SAMTOR: variants seen among roughly 807,000 people sequenced by gnomAD.
SAMTOR encodes the protein UPF0532 protein C7orf60.
the SAMTOR span, among the ~76,000 whole-genome samples, chr7:112,829,250 C>T: frequency 1.3e-5 from 2 of 152,018 alleles, no homozygotes; most frequent in Non-Finnish European, 2.9e-5. Context: ...TGCATTAATC[C>T]TATCCAGTAT....
chr7:112,822,112 T>G, the SAMTOR span: 5 of 1,613,884 alleles, frequency 3.1e-6, no homozygotes, highest in Non-Finnish European at 3.4e-6. Context: ...GCATGACGGT[T>G]CTGATGGGAG....
chr7:112,828,526 C>T, the SAMTOR span, among the ~76,000 whole-genome samples: 1 of 152,158 alleles, frequency 6.6e-6, no homozygotes, highest in African/African-American at 2.4e-5. Flanking sequence ...CCACTGTAAT[C>T]ACCCCTGTTT....
chr7:112,936,876 A>G, the SAMTOR span, among the ~76,000 whole-genome samples: 1 of 152,166 alleles, frequency 6.6e-6, no homozygotes, highest in Non-Finnish European at 1.5e-5. Context: ...TGGAAATTCT[A>G]GGGCCACTTC....
chr7:112,935,571 T>C, the SAMTOR span, among the ~76,000 whole-genome samples: 2 of 81,986 alleles, frequency 2.4e-5, no homozygotes, highest in East Asian at 7.5e-4. Context: ...TTTAACAGTT[T>C]AGTACATACT....
the SAMTOR span, among the ~76,000 whole-genome samples, chr7:112,865,594 T>TATATATATTTCATATATATACATATATTC: frequency 1.4e-5 from 2 of 148,066 alleles, no homozygotes; most frequent in African/African-American, 2.5e-5. Flanking sequence ...CATTCATATA[T>TATATATATTTCATATATATACATATATTC]ATATATATTT....
At chr7:112,899,131 T>C in the SAMTOR span, among the ~76,000 whole-genome samples, 3 of 152,078 alleles carry the variant, frequency 2.0e-5, no homozygotes, top group East Asian at 3.9e-4. Flanking sequence ...GTAGTACAGA[T>C]ATATGACTTC....
the SAMTOR span, among the ~76,000 whole-genome samples, chr7:112,826,488 T>C: frequency 1.6e-4 from 25 of 152,312 alleles, no homozygotes; most frequent in African/African-American, 5.8e-4. Flanking sequence ...TTAATGTTGG[T>C]AAAATCTGTC....
At chr7:112,939,516 G>A in the SAMTOR span, 2 of 1,604,736 alleles carry the variant, frequency 1.2e-6, no homozygotes, top group South Asian at 1.1e-5. Context: ...TGGCCTCTTT[G>A]GAGGAGGGAA....
chr7:112,921,358 A>G, the SAMTOR span, among the ~76,000 whole-genome samples: 4 of 151,472 alleles, frequency 2.6e-5, no homozygotes, highest in Non-Finnish European at 5.9e-5. Flanking sequence ...AGGATTCCCT[A>G]TTTAATAAAT....
chr7:112,866,574 G>A, the SAMTOR span, among the ~76,000 whole-genome samples: 1 of 152,184 alleles, frequency 6.6e-6, no homozygotes, highest in East Asian at 1.9e-4. Context: ...ACCTGCCTGC[G>A]GCTACACAGC....
At chr7:112,843,981 A>G in the SAMTOR span, among the ~76,000 whole-genome samples, 1 of 152,160 alleles carries the variant, frequency 6.6e-6, no homozygotes. Context: ...AACATATGCA[A>G]ATCAATAAAT....
the SAMTOR span, among the ~76,000 whole-genome samples, chr7:112,862,992 T>A: frequency 1.3e-5 from 2 of 151,962 alleles, no homozygotes; most frequent in African/African-American, 4.8e-5. Context: ...CTATGACAGC[T>A]GATGAAACTC....
the SAMTOR span, among the ~76,000 whole-genome samples, chr7:112,854,126 T>C: frequency 4.6e-5 from 7 of 152,220 alleles, no homozygotes; most frequent in South Asian, 1.5e-3. Flanking sequence ...GTCTCAGTCA[T>C]TTAAGGAACA....
the SAMTOR span, among the ~76,000 whole-genome samples, chr7:112,841,531 C>A: frequency 6.6e-6 from 1 of 152,056 alleles, no homozygotes; most frequent in Non-Finnish European, 1.5e-5. Flanking sequence ...ATGCTATCCC[C>A]ATCAAGCTAC....
chr7:112,873,925 A>G, the SAMTOR span, among the ~76,000 whole-genome samples: 1 of 152,126 alleles, frequency 6.6e-6, no homozygotes, highest in African/African-American at 2.4e-5. Flanking sequence ...TAGAAGACAT[A>G]CCTGTGGCTA....
At chr7:112,896,804 C>A in the SAMTOR span, among the ~76,000 whole-genome samples, 1 of 152,062 alleles carries the variant, frequency 6.6e-6, no homozygotes, top group Non-Finnish European at 1.5e-5. Flanking sequence ...CTAACCCAAT[C>A]TAAAATCAGC....
At chr7:112,896,536 C>T in the SAMTOR span, among the ~76,000 whole-genome samples, 4 of 152,266 alleles carry the variant, frequency 2.6e-5, no homozygotes, top group East Asian at 7.7e-4. Context: ...ACTAAGACTT[C>T]TTTAACTTAT....
At chr7:112,910,354 C>G in the SAMTOR span, among the ~76,000 whole-genome samples, 1 of 152,116 alleles carries the variant, frequency 6.6e-6, no homozygotes, top group Non-Finnish European at 1.5e-5. Context: ...ATGTAATCAT[C>G]ATTCACCATT....
At chr7:112,865,762 T>TATATATTTCATATATACATATATTC in the SAMTOR span, among the ~76,000 whole-genome samples, 2 of 101,828 alleles carry the variant, frequency 2.0e-5, no homozygotes, top group Non-Finnish European at 4.5e-5. Flanking sequence ...CATATATTCA[T>TATATATTTCATATATACATATATTC]ATATATATTT....
Sources: allele counts gnomAD v4.1 joint callset (sites outside exome capture counted in the v4.1 genomes callset), GRCh38; gene constraint gnomAD v4.1.1; transcripts MANE v1.5; gene names NCBI Gene and HGNC (gene_info 2026-07-23, HGNC 2026-07-21).